Variants in ARNT2 observed in about 807,000 individuals in gnomAD.
ARNT2 encodes aryl hydrocarbon receptor nuclear translocator 2.
In ARNT2, 36 loss-of-function variants were observed where a neutral mutation model predicts 91.7. That is an observed-to-expected ratio of 0.39 (90% CI 0.30 to 0.52). The LOEUF is 0.52. Among genes scored for constraint, ARNT2 ranks in the 20% least tolerant of loss-of-function variants. ARNT2 has a pLI of 0.72. For synonymous variants in ARNT2, 365 were observed against 347.1 expected, an observed-to-expected ratio of 1.05 and a Z score of -0.57; for missense variants, 775 against 939.3, an observed-to-expected ratio of 0.83 and a Z score of 2.29.
At chr15:80,564,301 G>A (rs1898432145) in intron 12 of ARNT2, among the ~76,000 whole-genome samples, 2 of 152,060 alleles carry the variant, frequency 1.3e-5, no homozygotes, top group South Asian at 4.2e-4. Context: ...GCCTCCAGGC[G>A]GTCACCACAG....
rs76113417 is a variant in ARNT2, at chr15:80,552,387, G to A, written c.955-253G>A. On this transcript the variant is annotated intron_variant, in intron 9 of 18. Transcript: ENST00000303329. ...CCCTTTTAAGGCTCACAAATGCCCT[G>A]TGAGATTATAGGTTTTATTATTCCC... Among the ~76,000 whole-genome samples the A allele has an allele frequency of 2.0e-5, 3 of 152,328 alleles. 1 individual carries two copies. The highest frequency in any genetic ancestry group is 4.1e-4 in the South Asian group (2 of 4,822).
intron 16 of ARNT2, 116 bp downstream of exon 16, chr15:80,580,665 C>A: frequency 1.5e-6 from 2 of 1,367,414 alleles, no homozygotes; most frequent in Non-Finnish European, 2.0e-6. Context: ...TGGAACCAAC[C>A]ACCCTAACAG....
chr15:80,429,864 C>A (rs1337641373), intron 1 of ARNT2, among the ~76,000 whole-genome samples: 3 of 152,172 alleles, frequency 2.0e-5, no homozygotes, highest in African/African-American at 7.2e-5. Context: ...AAGCTCTGTA[C>A]CACCAGATAT....
At position 80,552,657 on chromosome 15, in the gene ARNT2, A is replaced by G; in HGVS notation, c.972A>G (p.Val324=). 6.2e-7 allele frequency: 1 copy of G among 1,614,112 alleles called. No individual in the cohort carries two copies. The highest frequency in any genetic ancestry group is 2.2e-5 in the East Asian group (1 of 44,882). ...CATCCCAGGTGACCAGCTCTCCTGT[A>G]TGCATGGACATGAATGGGATGTCGG... ...IGRLQVTSSP[V]CMDMNGMSVP... Residue 324 remains valine, a synonymous_variant, in exon 10 of 19, where the codon GTA becomes GTG. Transcript: ENST00000303329.
intron 1 of ARNT2, among the ~76,000 whole-genome samples, chr15:80,422,803 A>G (rs1895878772): frequency 6.6e-6 from 1 of 152,222 alleles, no homozygotes; most frequent in Non-Finnish European, 1.5e-5. Context: ...CCAACATGTG[A>G]TATTATTCAT....
chr15:80,426,365 G>A (rs1344064017), intron 1 of ARNT2, among the ~76,000 whole-genome samples: 1 of 152,182 alleles, frequency 6.6e-6, no homozygotes, highest in African/African-American at 2.4e-5. Flanking sequence ...TGGTCCTGTT[G>A]GTCCCTGTAT....
At chr15:80,568,007 G>A (rs1328661765) in intron 12 of ARNT2, among the ~76,000 whole-genome samples, 1 of 152,216 alleles carries the variant, frequency 6.6e-6, no homozygotes, top group African/African-American at 2.4e-5. Context: ...CAATTTGCAA[G>A]CTCGGTTGCT....
At chr15:80,457,869 T>A (rs1896501814) in intron 2 of ARNT2, 60 bp from the exon 3 acceptor site, 1 of 1,579,822 alleles carries the variant, frequency 6.3e-7, no homozygotes, top group Non-Finnish European at 8.7e-7. Context: ...CAGCAGCTCC[T>A]GTTACCAGTT....
At position 80,433,252 on chromosome 15, in the gene ARNT2, A is replaced by ATTTTAT. The variant is rs1555455367; in HGVS notation, c.32-17624_32-17619dup. On this transcript the variant is annotated intron_variant, in intron 1 of 18. Transcript: ENST00000303329. ...TATTTTATTTATTTTATTTTATTTT[A>ATTTTAT]TTTTATTTTATTTTATTTTATTTTA... is the stretch of plus-strand genomic sequence containing the variant. 6.6e-3 allele frequency among the ~76,000 whole-genome samples: 451 copies of ATTTTAT among 68,190 alleles called. 2 individuals carry two copies. The highest frequency in any genetic ancestry group is 0.018 in the African/African-American group (400 of 22,016). The allele number at this position is 68,190 out of a possible 152,430, so 44.7% of individuals were successfully genotyped here.
chr15:80,577,087 T>A, intron 15 of ARNT2, 122 bp downstream of exon 15: 1 of 952,478 alleles, frequency 1.0e-6, no homozygotes, highest in Non-Finnish European at 1.6e-6. Context: ...CGCTCAGGCC[T>A]TGGACTAAAC....
intron 8 of ARNT2, among the ~76,000 whole-genome samples, chr15:80,515,802 A>G (rs1359565940): frequency 1.3e-5 from 2 of 150,276 alleles, no homozygotes; most frequent in Non-Finnish European, 3.0e-5. Flanking sequence ...TGTAGTATAT[A>G]TATCTCAGTA....
intron 8 of ARNT2, among the ~76,000 whole-genome samples, chr15:80,526,990 G>T (rs987382490): frequency 3.3e-5 from 5 of 152,188 alleles, no homozygotes; most frequent in Admixed American, 2.0e-4. Context: ...ATCCCACCCT[G>T]CCCATGTGGC....
intron 2 of ARNT2, among the ~76,000 whole-genome samples, chr15:80,453,450 C>T (rs1838234843): frequency 6.6e-6 from 1 of 152,184 alleles, no homozygotes; most frequent in African/African-American, 2.4e-5. Flanking sequence ...TGTGTCTAAG[C>T]AAAGAAACCT....
Position 80,591,724 on chromosome 15 carries a change from C to A in ARNT2, c.2055+20C>A. 1 of 1,613,456 alleles carries A rather than the reference C, an allele frequency of 6.2e-7. No individual in the cohort carries two copies. Among genetic ancestry groups the A allele is most frequent in the South Asian group, 1.1e-5 (1 of 91,062 alleles). ...TTCCAGGTAAATCGAGCGAGCACCG[C>A]CTTCTCGTAGGTACCGGCGCCTTCT... On this transcript the variant is annotated intron_variant, in intron 18 of 18. Transcript: ENST00000303329. The surrounding 1 kb of genome is among the most constrained non-coding windows in gnomAD (Gnocchi z 5.1).
At chr15:80,475,936 A>G (rs1009495361) in intron 5 of ARNT2, among the ~76,000 whole-genome samples, 1 of 152,246 alleles carries the variant, frequency 6.6e-6, no homozygotes, top group Non-Finnish European at 1.5e-5. Flanking sequence ...GTTTCTAAAA[A>G]TCACTGCAGT....
chr15:80,423,267 G>A (rs574882890), intron 1 of ARNT2, among the ~76,000 whole-genome samples: 5 of 152,306 alleles, frequency 3.3e-5, no homozygotes, highest in Admixed American at 2.0e-4. Context: ...GCGGGTCAAC[G>A]TCACCATCAT....
At chr15:80,407,808 C>T (rs1260751028) in intron 1 of ARNT2, among the ~76,000 whole-genome samples, 1 of 152,008 alleles carries the variant, frequency 6.6e-6, no homozygotes, top group African/African-American at 2.4e-5. Context: ...TAGTTATATA[C>T]ATAAAAGGGT....
intron 8 of ARNT2, among the ~76,000 whole-genome samples, chr15:80,534,860 CG>C (rs2141444689): frequency 6.6e-6 from 1 of 152,242 alleles, no homozygotes; most frequent in South Asian, 2.1e-4. Flanking sequence ...GTTACCCTGC[CG>C]AACAGGATAG....
chr15:80,581,125 G>C, intron 16 of ARNT2, 114 bp from the exon 17 acceptor site: 1 of 1,261,302 alleles, frequency 7.9e-7, no homozygotes, highest in African/African-American at 1.5e-5. Flanking sequence ...GGGTCATGGG[G>C]AGTCACTGTC....
Sources: allele counts gnomAD v4.1 joint callset (sites outside exome capture counted in the v4.1 genomes callset), GRCh38; gene constraint gnomAD v4.1.1; non-coding constraint Gnocchi (gnomAD v3.1); transcripts MANE v1.5; gene names NCBI Gene and HGNC (gene_info 2026-07-23, HGNC 2026-07-21).